The following PUM1 variants were observed in gnomAD, a reference collection of about 807,000 sequenced individuals.
PUM1 encodes the protein pumilio RNA binding family member 1, also known as pumilio homolog 1.
In PUM1, 13 loss-of-function variants were observed where a neutral mutation model predicts 131.8. That is an observed-to-expected ratio of 0.10 (90% CI 0.06 to 0.16). The LOEUF is 0.16. Among genes scored for constraint, PUM1 ranks in the 10% least tolerant of loss-of-function variants. PUM1 has a pLI of 1.00. For synonymous variants in PUM1, 509 were observed against 556.5 expected (o/e 0.91, Z 1.20); for missense variants, 961 against 1,512.4 (o/e 0.64, Z 6.05).
At chr1:31,007,338 A>C (rs893181827) in intron 3 of PUM1, among the ~76,000 whole-genome samples, 11 of 152,196 alleles carry the variant, frequency 7.2e-5, no homozygotes, top group African/African-American at 2.7e-4. Context: ...AAACCATCCA[A>C]TAGAGGCTGA....
intron 6 of PUM1, among the ~76,000 whole-genome samples, chr1:30,993,941 G>A (rs1641893014): frequency 2.0e-5 from 3 of 152,034 alleles, no homozygotes; most frequent in Non-Finnish European, 2.9e-5. Context: ...ATGGTGGTGC[G>A]CGGCTGTAGT....
chr1:30,994,251 T>G (rs998884733), intron 6 of PUM1, among the ~76,000 whole-genome samples: 1 of 152,074 alleles, frequency 6.6e-6, no homozygotes, highest in Admixed American at 6.5e-5. Flanking sequence ...GGGGTGTGAG[T>G]GTGTGCATGC....
chr1:30,970,849 A>ATC (rs767426284), intron 10 of PUM1, among the ~76,000 whole-genome samples: 5 of 152,222 alleles, frequency 3.3e-5, no homozygotes, highest in Non-Finnish European at 7.3e-5. Context: ...TTCACAGAAT[A>ATC]TAAAGAAGTA....
At chr1:30,993,490 G>A (rs912194470) in intron 6 of PUM1, among the ~76,000 whole-genome samples, 1 of 151,920 alleles carries the variant, frequency 6.6e-6, no homozygotes, top group Non-Finnish European at 1.5e-5. Flanking sequence ...TATATAAACA[G>A]AAGAGTGTAA....
At chr1:30,937,037 A>G (rs991073177) in intron 20 of PUM1, among the ~76,000 whole-genome samples, 4 of 152,082 alleles carry the variant, frequency 2.6e-5, no homozygotes, top group Non-Finnish European at 4.4e-5. Context: ...AATCGTAGGA[A>G]AGGGGGAACG....
intron 14 of PUM1, among the ~76,000 whole-genome samples, chr1:30,963,799 A>T (rs544640505): frequency 6.6e-6 from 1 of 152,336 alleles, no homozygotes; most frequent in East Asian, 1.9e-4. Flanking sequence ...AATTATTCAT[A>T]GCACCCCCTT....
chr1:31,011,701 AAC>A (rs1302942895), intron 3 of PUM1, among the ~76,000 whole-genome samples: 1 of 152,232 alleles, frequency 6.6e-6, no homozygotes, highest in Non-Finnish European at 1.5e-5. Flanking sequence ...ATCTTCACTT[AAC>A]ACACAATAAC....
chr1:31,021,390 A>G (rs1392273706), intron 3 of PUM1, among the ~76,000 whole-genome samples: 2 of 152,238 alleles, frequency 1.3e-5, no homozygotes, highest in Non-Finnish European at 2.9e-5. Context: ...GGGATAGACA[A>G]GGATACCAAT....
chr1:30,963,248 T>C (rs1057300996), intron 14 of PUM1, among the ~76,000 whole-genome samples: 5 of 152,164 alleles, frequency 3.3e-5, no homozygotes, highest in African/African-American at 4.8e-5. Flanking sequence ...AACTGGGAGT[T>C]TGACAGCTCT....
rs926478764 is a variant in PUM1 at position 30,967,226 on chromosome 1, G to C, written c.1730C>G (p.Ala577Gly). Residue 577 changes from alanine (A) to glycine (G), a missense_variant, in exon 12 of 22, where the codon GCT becomes GGT. Around this residue, in one of 4 missense-constraint regions of PUM1, gnomAD observed 654 missense variants for 923.9 expected, o/e 0.71. Transcript: ENST00000426105. Reference sequence around the variant, plus strand: ...GGCAGGAGCTACAAGTCGAACAGGAGCTCCAAGACCATTTCTCGCGCCTGC... The same window carrying C: ...GGCAGGAGCTACAAGTCGAACAGGACCTCCAAGACCATTTCTCGCGCCTGC... The part of the protein sequence containing the change: ...VNAGARNGLG[A>G]PVRLVAPAPV... 3.1e-6 allele frequency: 5 copies of C among 1,613,976 alleles called. No individual in the cohort carries two copies. The highest frequency in any genetic ancestry group is 1.3e-5 in the African/African-American group (1 of 74,894).
chr1:31,038,980 ATATATTTTT>A lies in PUM1; in HGVS notation c.364-10125_364-10117del, dbSNP rs1452392956. Among the ~76,000 whole-genome samples, 38 of 29,606 alleles carry A rather than the reference ATATATTTTT, an allele frequency of 1.3e-3. 4 individuals are homozygous for A. In the South Asian group the frequency reaches 0.039, roughly 30 times the overall value. 19.4% of individuals were successfully genotyped at this position (29,606 alleles called of 152,430 possible). On this transcript the variant is annotated intron_variant, in intron 2 of 21. Coordinates refer to ENST00000426105, the MANE Select transcript of PUM1 (RefSeq NM_001020658.2). Reference sequence around the variant, plus strand: ...ATTTTATATATATATATATATATATATATATTTTTTTTTTTTTTTTCCTTTTCTCTTTTT... The same window carrying A: ...ATTTTATATATATATATATATATATATTTTTTTTTTTCCTTTTCTCTTTTT...
intron 18 of PUM1, among the ~76,000 whole-genome samples, chr1:30,942,944 C>T (rs981735785): frequency 1.8e-4 from 27 of 151,984 alleles, no homozygotes; most frequent in African/African-American, 6.0e-4. Flanking sequence ...TGTGTAGAGA[C>T]GGAGATTCGC....
chr1:31,010,561 T>C lies in PUM1; in HGVS notation c.433-3459A>G, dbSNP rs540337174. On this transcript the variant is annotated intron_variant, in intron 3 of 21. Transcript: ENST00000426105. The stretch of plus-strand genomic sequence containing the variant: ...GACATCTCTGGACAACAGCTACATA[T>C]ACAAAGCTGTTGCTCCGCAGCTTCC... Among the ~76,000 whole-genome samples the C allele has an allele frequency of 7.2e-5, 11 of 152,298 alleles. No homozygotes were observed. The East Asian group carries it at 2.1e-3, about 29-fold the overall frequency.
At chr1:31,050,908 A>G (rs1644092906) in intron 2 of PUM1, 1 of 256,586 alleles carries the variant, frequency 3.9e-6, no homozygotes, top group Non-Finnish European at 8.4e-6. Context: ...CCACTCGCAA[A>G]AATTCAGCCA....
At chr1:31,019,812 T>C (rs1642955514) in intron 3 of PUM1, among the ~76,000 whole-genome samples, 1 of 152,220 alleles carries the variant, frequency 6.6e-6, no homozygotes, top group Non-Finnish European at 1.5e-5. Context: ...CGGGCTTTTC[T>C]GCATGATACA....
chr1:30,996,811 A>C lies in PUM1; in HGVS notation c.721-1591T>G, dbSNP rs181304506. On this transcript the variant is annotated intron_variant, in intron 5 of 21. Coordinates refer to ENST00000426105, the MANE Select transcript of PUM1 (RefSeq NM_001020658.2). ...GGCAAAAAGATCTTTCAAAATATCC[A>C]AAGGCAATAGCTTCCTCCATACTGC... Among the ~76,000 whole-genome samples, 22 of 152,356 alleles carry C rather than the reference A, an allele frequency of 1.4e-4. 1 individual carries two copies. The highest frequency in any genetic ancestry group is 1.4e-3 in the Admixed American group (22 of 15,304).
chr1:30,967,544 A>G (rs970597892), intron 11 of PUM1, among the ~76,000 whole-genome samples: 4 of 152,232 alleles, frequency 2.6e-5, no homozygotes, highest in African/African-American at 9.6e-5. Context: ...AAATAGCAGG[A>G]AAAACCTAGA....
At chr1:30,967,964 G>A (rs1187004057) in intron 11 of PUM1, among the ~76,000 whole-genome samples, 1 of 152,132 alleles carries the variant, frequency 6.6e-6, no homozygotes, top group Non-Finnish European at 1.5e-5. Context: ...AAAAACGTAA[G>A]GGATGACCCT....
chr1:30,992,376 G>C lies in PUM1; in HGVS notation c.1158+14C>G, dbSNP rs757224665. The C allele has an allele frequency of 1.2e-6, 2 of 1,610,826 alleles. No homozygotes were observed. Among genetic ancestry groups the C allele is most frequent in the South Asian group, 1.1e-5 (1 of 90,652 alleles). On this transcript the variant is annotated intron_variant, in intron 7 of 21. Transcript: ENST00000426105. ...GAGGGAGAGTAGAGAGGGTGACAGAGACACACACAGTACCTGTTGTTGAGA... is the reference window on the plus strand; with the variant it reads ...GAGGGAGAGTAGAGAGGGTGACAGACACACACACAGTACCTGTTGTTGAGA...
Sources: gnomAD v4.1 joint callset for allele counts (sites outside exome capture counted in the v4.1 genomes callset) on GRCh38, gnomAD v4.1.1 for gene constraint, gnomAD v4.1.1 regional missense constraint, MANE v1.5 for transcripts, NCBI Gene and HGNC (gene_info 2026-07-23, HGNC 2026-07-21) for gene names.